The following AHI1 variants were observed in gnomAD, a reference collection of about 807,000 sequenced individuals.
The protein encoded by AHI1 is jouberin.
AHI1 carries 123 observed loss-of-function variants against 149.3 expected under a neutral mutation model. The observed-to-expected ratio is 0.82, with a 90% confidence interval of 0.71 to 0.96. The LOEUF (loss-of-function observed/expected upper bound fraction) is 0.96. Ranked by LOEUF, AHI1 falls within the 40% of genes least tolerant of loss-of-function variation. The pLI is 0.00. For synonymous variants in AHI1, 475 were observed against 459.8 expected (o/e 1.03, Z -0.42); for missense variants, 1,439 against 1,422.7 (o/e 1.01, Z -0.18).
At chr6:135,359,658 G>A (rs1280023534) in intron 23 of AHI1, among the ~76,000 whole-genome samples, 2 of 152,140 alleles carry the variant, frequency 1.3e-5, no homozygotes, top group Non-Finnish European at 2.9e-5. Flanking sequence ...AGTGTGGCAT[G>A]GCAACTGGCT....
chr6:135,462,538 G>T (rs1790069698), intron 8 of AHI1, among the ~76,000 whole-genome samples: 1 of 150,922 alleles, frequency 6.6e-6, no homozygotes, highest in South Asian at 2.1e-4. Context: ...GTTTAAAGAA[G>T]AAATCCTCTA....
At chr6:135,363,153 G>C (rs1395808935) in intron 23 of AHI1, among the ~76,000 whole-genome samples, 4 of 151,212 alleles carry the variant, frequency 2.6e-5, no homozygotes, top group East Asian at 1.9e-4. Context: ...AGATAAACAA[G>C]TGAACAAAGG....
At chr6:135,419,254 T>C (rs981998482) in intron 20 of AHI1, among the ~76,000 whole-genome samples, 1 of 152,122 alleles carries the variant, frequency 6.6e-6, no homozygotes, top group Non-Finnish European at 1.5e-5. Flanking sequence ...GATATAAAAA[T>C]TGAATCAACT....
At chr6:135,286,054 T>C (rs1781645962) in intron 28 of AHI1, among the ~76,000 whole-genome samples, 1 of 152,246 alleles carries the variant, frequency 6.6e-6, no homozygotes, top group South Asian at 2.1e-4. Flanking sequence ...GGTTAGTGAT[T>C]CGGAAGGATA....
chr6:135,305,303 G>C (rs1170772667), intron 26 of AHI1: 1 of 152,184 alleles, frequency 6.6e-6, no homozygotes, highest in Non-Finnish European at 1.5e-5. Flanking sequence ...TAACAACTTA[G>C]CAATGGTTAG....
At chr6:135,373,754 T>C (rs140856013) in intron 23 of AHI1, among the ~76,000 whole-genome samples, 174 of 152,256 alleles carry the variant, frequency 1.1e-3, no homozygotes, top group Admixed American at 3.0e-3. Context: ...CAGGAACATG[T>C]GCCAAGTTTT....
At chr6:135,428,571 C>T (rs1038342856) in intron 19 of AHI1, 58 bp downstream of exon 19, 1 of 1,458,370 alleles carries the variant, frequency 6.9e-7, no homozygotes, top group African/African-American at 1.4e-5. Flanking sequence ...AGAATTTTCA[C>T]ACTTCTTCAA....
At chr6:135,429,778 G>A in intron 18 of AHI1, 104 bp downstream of exon 18, 1 of 650,326 alleles carries the variant, frequency 1.5e-6, no homozygotes, top group Non-Finnish European at 2.5e-6. Flanking sequence ...TGGTGAGTGT[G>A]GGGACACTGC....
intron 3 of AHI1, 59 bp from the exon 4 acceptor site, chr6:135,492,350 C>A: frequency 1.4e-6 from 2 of 1,460,244 alleles, no homozygotes; most frequent in South Asian, 1.5e-5. Context: ...AATTATAAAA[C>A]GTTCTTCACA....
chr6:135,490,569 T>A (rs756346388), intron 5 of AHI1, 54 bp downstream of exon 5: 2 of 1,603,894 alleles, frequency 1.2e-6, no homozygotes, highest in Non-Finnish European at 1.7e-6. Flanking sequence ...TGCAGCCATA[T>A]CTGCATTTTA....
At chr6:135,290,382 G>C in intron 28 of AHI1, 41 bp downstream of exon 28, 1 of 1,180,554 alleles carries the variant, frequency 8.5e-7, no homozygotes, top group Non-Finnish European at 1.3e-6. Flanking sequence ...ATCTTTTCCT[G>C]TTGACAACAT....
At chr6:135,297,571 T>G in intron 27 of AHI1, 1 of 455,030 alleles carries the variant, frequency 2.2e-6, no homozygotes, top group Non-Finnish European at 4.4e-6. Flanking sequence ...TTATTTCTAT[T>G]TCCTCATCTG....
chr6:135,428,653 C>T lies in AHI1; in HGVS notation c.2599G>A (p.Val867Met), dbSNP rs1784235430. ...CCTGTTTCTGGGTTCCAAACATACA[C>T]TATACCATCCTCACTTCCAGCAAAC... ...FLFAGSEDGI[V>M]YVWNPETGEQ... Residue 867 changes from valine (V) to methionine (M), a missense_variant, in exon 19 of 29, where the codon GTG becomes ATG. Transcript: ENST00000265602. 1.9e-6 allele frequency: 3 copies of T among 1,608,120 alleles called. No individual in the cohort carries two copies. The highest frequency in any genetic ancestry group is 2.5e-6 in the Non-Finnish European group (3 of 1,176,612).
intron 23 of AHI1, among the ~76,000 whole-genome samples, chr6:135,383,324 G>A (rs1443764258): frequency 7.2e-6 from 1 of 139,314 alleles, no homozygotes; most frequent in Non-Finnish European, 1.5e-5. Context: ...CAACCTCCTG[G>A]GTTCAATCGA....
At chr6:135,407,895 C>T (rs542140130) in intron 21 of AHI1, among the ~76,000 whole-genome samples, 25 of 151,992 alleles carry the variant, frequency 1.6e-4, no homozygotes, top group African/African-American at 2.2e-4. Context: ...ATTAATCGGG[C>T]GTGGTGGCGG....
At chr6:135,440,967 A>G (rs1477966697) in intron 14 of AHI1, among the ~76,000 whole-genome samples, 1 of 151,838 alleles carries the variant, frequency 6.6e-6, no homozygotes, top group African/African-American at 2.4e-5. Flanking sequence ...ACAGGGGAAA[A>G]AAGTCATCCA....
intron 25 of AHI1, among the ~76,000 whole-genome samples, chr6:135,320,915 G>A (rs916583074): frequency 3.3e-5 from 5 of 152,206 alleles, no homozygotes; most frequent in Admixed American, 2.6e-4. Context: ...ACAATGAGAA[G>A]AAGGAACTTG....
chr6:135,323,441 G>A (rs2128385006), intron 24 of AHI1, 117 bp from the exon 25 acceptor site: 1 of 1,102,160 alleles, frequency 9.1e-7, no homozygotes, highest in Middle Eastern at 2.0e-4. Flanking sequence ...TTTGGTAAGT[G>A]TGAGGCTGTC....
intron 8 of AHI1, among the ~76,000 whole-genome samples, chr6:135,458,598 TACCAA>T (rs1395353312): frequency 6.6e-6 from 1 of 152,206 alleles, no homozygotes; most frequent in Non-Finnish European, 1.5e-5. Context: ...TGGGGTCATC[TACCAA>T]TTCTGGTCAC....
Sources: gnomAD v4.1 joint callset for allele counts (sites outside exome capture counted in the v4.1 genomes callset) on GRCh38, gnomAD v4.1.1 for gene constraint, MANE v1.5 for transcripts, NCBI Gene and HGNC (gene_info 2026-07-23, HGNC 2026-07-21) for gene names.